AKAP7: variants seen among roughly 807,000 people sequenced by gnomAD.
The protein encoded by AKAP7 is A kinase (PRKA) anchor protein 7.
AKAP7 carries 39 observed loss-of-function variants against 39.5 expected under a neutral mutation model. That is an observed-to-expected ratio of 0.99 (90% CI 0.76 to 1.29). The LOEUF is 1.29. AKAP7 is among the 50% of genes most tolerant of loss of function. The probability of loss-of-function intolerance (pLI) is 0.00; values close to 1 mark genes in which losing one functional copy is unlikely to be tolerated. For synonymous variants in AKAP7, 140 were observed against 139.1 expected (o/e 1.01, Z -0.05); for missense variants, 414 against 407.7 (o/e 1.02, Z -0.13).
At chr6:131,275,785 A>G (rs1453309462) in intron 7 of AKAP7, among the ~76,000 whole-genome samples, 1 of 152,244 alleles carries the variant, frequency 6.6e-6, no homozygotes, top group Non-Finnish European at 1.5e-5. Context: ...GGCTTCAGAC[A>G]GCATCTTGGG....
At chr6:131,197,938 G>T (rs1359221046) in intron 5 of AKAP7, among the ~76,000 whole-genome samples, 4 of 152,196 alleles carry the variant, frequency 2.6e-5, no homozygotes, top group Admixed American at 2.6e-4. Flanking sequence ...GAAACAGGTG[G>T]TGAGGATGTG....
chr6:131,212,145 A>G (rs918673814), intron 6 of AKAP7, among the ~76,000 whole-genome samples: 3 of 152,218 alleles, frequency 2.0e-5, no homozygotes, highest in African/African-American at 4.8e-5. Flanking sequence ...CACGTCGTAA[A>G]GTTGAAATAT....
chr6:131,138,767 C>T (rs516545), intron 1 of AKAP7, among the ~76,000 whole-genome samples: 41,634 of 152,078 alleles, frequency 0.27, 5,953 homozygotes, highest in Middle Eastern at 0.32. Flanking sequence ...AATAGTACCT[C>T]TCCATAGTGT....
chr6:131,185,256 C>T, intron 5 of AKAP7: 1 of 465,300 alleles, frequency 2.1e-6, no homozygotes, highest in South Asian at 1.9e-5. Flanking sequence ...CTTTTTCCGC[C>T]AGTGCTGGGC....
intron 7 of AKAP7, among the ~76,000 whole-genome samples, chr6:131,276,109 T>C (rs1397054726): frequency 6.6e-6 from 1 of 152,316 alleles, no homozygotes; most frequent in Non-Finnish European, 1.5e-5. Context: ...GGGATGTCCT[T>C]TTGTACATAC....
intron 7 of AKAP7, among the ~76,000 whole-genome samples, chr6:131,275,451 A>T (rs1585226460): frequency 6.6e-6 from 1 of 152,326 alleles, no homozygotes; most frequent in South Asian, 2.1e-4. Flanking sequence ...TCATATCACC[A>T]TCAGTATTTT....
intron 5 of AKAP7, among the ~76,000 whole-genome samples, chr6:131,182,302 C>G (rs1805338990): frequency 6.6e-6 from 1 of 151,960 alleles, no homozygotes; most frequent in African/African-American, 2.4e-5. Context: ...AAAACAAATC[C>G]TCACTCCCTC....
chr6:131,268,457 G>A (rs1211828534), intron 7 of AKAP7, among the ~76,000 whole-genome samples: 1 of 152,150 alleles, frequency 6.6e-6, no homozygotes, highest in Non-Finnish European at 1.5e-5. Context: ...AGTATGAAGT[G>A]TTACCTGAAC....
rs564726526 is a variant in AKAP7, at chr6:131,258,626, G to T, written c.851-22904G>T. Among the ~76,000 whole-genome samples, 12 of 152,300 alleles carry T rather than the reference G, an allele frequency of 7.9e-5. No homozygotes were observed. The South Asian group carries it at 2.5e-3, about 32-fold the overall frequency. On this transcript the variant is annotated intron_variant, in intron 7 of 7. Coordinates refer to ENST00000431975, the MANE Select transcript of AKAP7 (RefSeq NM_016377.4). ...AACTATTAAAATAAATCTTTCAGTTGCATGGTAAAGTTCTTTGCCCTTAGC... is the reference window on the plus strand; with the variant it reads ...AACTATTAAAATAAATCTTTCAGTTTCATGGTAAAGTTCTTTGCCCTTAGC...
intron 6 of AKAP7, among the ~76,000 whole-genome samples, chr6:131,216,409 C>G (rs1289857772): frequency 6.6e-6 from 1 of 152,126 alleles, no homozygotes; most frequent in South Asian, 2.1e-4. Context: ...CATTACTTAT[C>G]AGATTGAGCC....
chr6:131,144,068 AG>A (rs1367623144), intron 1 of AKAP7, among the ~76,000 whole-genome samples: 4 of 138,060 alleles, frequency 2.9e-5, no homozygotes, highest in Admixed American at 7.6e-5. Flanking sequence ...CAGAGAGCAC[AG>A]GGTTGGGGAT....
chr6:131,141,810 C>CT (rs1166479825), intron 1 of AKAP7, among the ~76,000 whole-genome samples: 3 of 152,006 alleles, frequency 2.0e-5, no homozygotes, highest in Admixed American at 1.3e-4. Context: ...ATTTGGCTGC[C>CT]TTGTGTCCAT....
chr6:131,130,376 C>A, the AKAP7 span, among the ~76,000 whole-genome samples: 1 of 152,220 alleles, frequency 6.6e-6, no homozygotes, highest in South Asian at 2.1e-4. Context: ...TGCACCTCTG[C>A]AACCTCTGCC....
intron 3 of AKAP7, chr6:131,164,512 T>TG: frequency 4.5e-6 from 2 of 448,662 alleles, no homozygotes; most frequent in Non-Finnish European, 9.0e-6. Context: ...CAACTCTTCA[T>TG]GGTAATGCCC....
Position 131,215,605 on chromosome 6 carries a change from T to C in AKAP7, c.703-4056T>C, listed in dbSNP as rs1037997072. ...CAAATAACAGCAAAAAATGGAGTTA[T>C]GCAAAGAGGTGAAGGAGTCATGAAG... On this transcript the variant is annotated intron_variant, in intron 6 of 7. Transcript: ENST00000431975. 5.3e-5 allele frequency among the ~76,000 whole-genome samples: 8 copies of C among 152,298 alleles called. No individual in the cohort carries two copies. In the East Asian group the frequency reaches 5.8e-4, roughly 11 times the overall value.
intron 6 of AKAP7, among the ~76,000 whole-genome samples, chr6:131,206,786 C>T (rs367633717): frequency 8.6e-5 from 13 of 151,196 alleles, no homozygotes; most frequent in East Asian, 3.9e-4. Context: ...TCCATCCATC[C>T]ATCTATCTAT....
At position 131,167,339 on chromosome 6, in the gene AKAP7, C is replaced by T. The variant is rs866076020; in HGVS notation, c.429-1774C>T. Among the ~76,000 whole-genome samples, 9 of 152,084 alleles carry T rather than the reference C, an allele frequency of 5.9e-5. No homozygotes were observed. In the South Asian group the frequency reaches 1.2e-3, roughly 21 times the overall value. On this transcript the variant is annotated intron_variant, in intron 4 of 7. Transcript: ENST00000431975. ...CTACTAGAGAACTGGAAAAATGGAC[C>T]GAATTTAGATCATCTATATTTCTTT...
At chr6:131,269,732 T>C (rs1434034973) in intron 7 of AKAP7, among the ~76,000 whole-genome samples, 2 of 152,220 alleles carry the variant, frequency 1.3e-5, no homozygotes, top group East Asian at 1.9e-4. Context: ...ACCTGTCTGA[T>C]ACACTGAAGG....
chr6:131,129,272 G>A, the AKAP7 span, among the ~76,000 whole-genome samples: 1 of 108,014 alleles, frequency 9.3e-6, no homozygotes, highest in Non-Finnish European at 1.9e-5. Context: ...GGGTGACAGA[G>A]CAAGACTCTG....
Sources: gnomAD v4.1 joint callset for allele counts (sites outside exome capture counted in the v4.1 genomes callset) on GRCh38, gnomAD v4.1.1 for gene constraint, MANE v1.5 for transcripts, NCBI Gene and HGNC (gene_info 2026-07-23, HGNC 2026-07-21) for gene names.